SGK3: variants seen among roughly 807,000 people sequenced by gnomAD.
The protein encoded by SGK3 is serine/threonine-protein kinase Sgk3.
Under a neutral mutation model 68.5 loss-of-function variants are expected in SGK3, and 47 were observed. The observed-to-expected ratio is 0.69, with a 90% CI of 0.54 to 0.87. The LOEUF (loss-of-function observed/expected upper bound fraction) is 0.87. Among genes scored for constraint, SGK3 ranks in the 40% least tolerant of loss-of-function variants. The probability of loss-of-function intolerance (pLI) is 0.00; values close to 1 mark genes in which losing one functional copy is unlikely to be tolerated. For synonymous variants in SGK3, 181 were observed against 189.1 expected (o/e 0.96, Z 0.35); for missense variants, 479 against 575.5 (o/e 0.83, Z 1.72).
At chr8:66,729,816 C>T (rs1488461712) in intron 1 of SGK3, among the ~76,000 whole-genome samples, 3 of 152,052 alleles carry the variant, frequency 2.0e-5, no homozygotes. Flanking sequence ...GCGATCTTGG[C>T]TCACTGCAAC....
chr8:66,794,325 G>A (rs1334177938), intron 2 of SGK3, among the ~76,000 whole-genome samples: 1 of 152,020 alleles, frequency 6.6e-6, no homozygotes, highest in African/African-American at 2.4e-5. Flanking sequence ...GCTTTATAAA[G>A]AGTAAGCACA....
chr8:66,752,026 A>G (rs928953647), intron 1 of SGK3, among the ~76,000 whole-genome samples: 8 of 152,238 alleles, frequency 5.3e-5, no homozygotes, highest in Non-Finnish European at 1.0e-4. Flanking sequence ...CGGCCTCCCA[A>G]AGTGCTGGGA....
chr8:66,824,866 T>C (rs1050848853), intron 6 of SGK3, among the ~76,000 whole-genome samples: 2 of 152,216 alleles, frequency 1.3e-5, no homozygotes, highest in Non-Finnish European at 2.9e-5. Flanking sequence ...ATGCAAATAC[T>C]ATATGAAAGT....
intron 1 of SGK3, among the ~76,000 whole-genome samples, chr8:66,790,429 G>A (rs1296558216): frequency 6.6e-6 from 1 of 152,162 alleles, no homozygotes; most frequent in East Asian, 1.9e-4. Flanking sequence ...CTGAATTTGG[G>A]GTTCAGCATT....
In SGK3 at chr8:66,843,443, T is replaced by G; in HGVS notation, c.979-9T>G. The G allele has an allele frequency of 6.2e-7, 1 of 1,608,090 alleles. No individual in the cohort carries two copies. Among genetic ancestry groups the G allele is most frequent in the Non-Finnish European group, 8.5e-7 (1 of 1,178,140 alleles). ...CTGACTTGCTCTAATATTTTATTGT[T>G]TTCTATAGTATCTTGCACCTGAAGT... On this transcript the variant is annotated splice_polypyrimidine_tract_variant and intron_variant, in intron 13 of 16. Transcript: ENST00000521198.
chr8:66,839,942 A>G, intron 10 of SGK3, 61 bp from the exon 11 acceptor site: 1 of 1,436,426 alleles, frequency 7.0e-7, no homozygotes, highest in Non-Finnish European at 9.7e-7. Flanking sequence ...TATTTGTTTA[A>G]TGCTATGTGT....
chr8:66,763,913 A>T (rs567611109), intron 1 of SGK3, among the ~76,000 whole-genome samples: 1 of 152,328 alleles, frequency 6.6e-6, no homozygotes, highest in East Asian at 1.9e-4. Flanking sequence ...TCTGTTGCCC[A>T]GACTGGAGTG....
At chr8:66,841,866 A>G (rs1339785793) in intron 13 of SGK3, among the ~76,000 whole-genome samples, 8 of 152,218 alleles carry the variant, frequency 5.3e-5, no homozygotes, top group Non-Finnish European at 1.2e-4. Flanking sequence ...TTTATTATTC[A>G]TACTTCACAC....
At chr8:66,790,835 G>GTAGT (rs59825699) in intron 1 of SGK3, 19,166 of 152,066 alleles carry the variant, frequency 0.13, 2,250 homozygotes, top group African/African-American at 0.31. Flanking sequence ...TGCACAGGTA[G>GTAGT]TTGAGCAATC....
At chr8:66,767,448 C>T in intron 1 of SGK3, 23 of 1,408,630 alleles carry the variant, frequency 1.6e-5, no homozygotes, top group Non-Finnish European at 2.3e-5. Flanking sequence ...CCAGGGTCAA[C>T]AGAATGCTTA....
intron 1 of SGK3, among the ~76,000 whole-genome samples, chr8:66,744,554 TCTCA>T: frequency 8.3e-6 from 1 of 120,544 alleles, no homozygotes; most frequent in Admixed American, 1.0e-4. Context: ...TTAGATGGAG[TCTCA>T]CTCTGTTGCA....
intron 1 of SGK3, among the ~76,000 whole-genome samples, chr8:66,762,848 G>C (rs562096376): frequency 3.3e-5 from 5 of 152,186 alleles, no homozygotes; most frequent in Non-Finnish European, 7.3e-5. Context: ...GATGTCATTT[G>C]ACATGTACTT....
chr8:66,755,695 G>A lies in SGK3; in HGVS notation c.-121-37921G>A, dbSNP rs140016477. 3.3e-4 allele frequency among the ~76,000 whole-genome samples: 50 copies of A among 152,304 alleles called. No individual in the cohort carries two copies. The East Asian group carries it at 4.0e-3, about 12-fold the overall frequency. ...GTCAGGCACTATTCTAAACCCTGTA[G>A]GCCCAGTGGTGAACATGACAGACGC... On this transcript the variant is annotated intron_variant, in intron 1 of 16. Transcript: ENST00000521198.
chr8:66,855,912 G>C (rs1337227487), intron 16 of SGK3, among the ~76,000 whole-genome samples: 1 of 152,160 alleles, frequency 6.6e-6, no homozygotes, highest in Non-Finnish European at 1.5e-5. Context: ...ACTAAATCCT[G>C]ACAACAATCC....
chr8:66,857,788 AGTGTGTGTGTATGTGTGTGTGTGTGT>A (rs1810576197), intron 16 of SGK3, among the ~76,000 whole-genome samples: 2 of 115,404 alleles, frequency 1.7e-5, no homozygotes, highest in Admixed American at 8.9e-5. Flanking sequence ...GTCTCAAAAA[AGTGTGTGTGTATGTGTGTGTGTGTGT>A]GTGTGTGTGT....
chr8:66,815,058 C>T (rs540495727), intron 5 of SGK3, among the ~76,000 whole-genome samples: 8 of 152,278 alleles, frequency 5.3e-5, no homozygotes, highest in East Asian at 3.9e-4. Context: ...ACAGTCTTTT[C>T]GGAACCACAA....
chr8:66,858,195 G>A (rs1038172624), intron 16 of SGK3, among the ~76,000 whole-genome samples: 4 of 152,174 alleles, frequency 2.6e-5, no homozygotes, highest in African/African-American at 7.2e-5. Flanking sequence ...GACGGGTGCG[G>A]TGGCTCACGC....
At chr8:66,751,984 C>T (rs1273742517) in intron 1 of SGK3, among the ~76,000 whole-genome samples, 3 of 152,012 alleles carry the variant, frequency 2.0e-5, no homozygotes, top group Non-Finnish European at 2.9e-5. Flanking sequence ...AGGCTGGTCT[C>T]GAACTCTCGA....
At chr8:66,769,166 T>G (rs1806420462) in intron 1 of SGK3, among the ~76,000 whole-genome samples, 1 of 152,210 alleles carries the variant, frequency 6.6e-6, no homozygotes, top group Non-Finnish European at 1.5e-5. Context: ...CTTCAGGGAA[T>G]CTAATTGCAA....
Sources: allele counts gnomAD v4.1 joint callset (sites outside exome capture counted in the v4.1 genomes callset), GRCh38; gene constraint gnomAD v4.1.1; transcripts MANE v1.5; gene names NCBI Gene and HGNC (gene_info 2026-07-23, HGNC 2026-07-21).